ATP10A: variants seen among roughly 807,000 people sequenced by gnomAD.
The protein encoded by ATP10A is phospholipid-transporting ATPase VA.
Under a neutral mutation model 147.8 loss-of-function variants are expected in ATP10A, and 111 were observed. The ratio of observed to expected loss-of-function variants is 0.75; its 90% CI spans 0.64 to 0.88. ATP10A has a LOEUF of 0.88. ATP10A is among the 40% of genes least tolerant of loss of function. The probability of loss-of-function intolerance (pLI) is 0.00; values close to 1 mark genes in which losing one functional copy is unlikely to be tolerated. For missense variants in ATP10A, 1,927 were observed against 1,959.0 expected (o/e 0.98, Z 0.31); for synonymous variants, 875 against 841.6 (o/e 1.04, Z -0.69).
chr15:25,757,376 C>T (rs1596825224), intron 2 of ATP10A, among the ~76,000 whole-genome samples: 1 of 151,934 alleles, frequency 6.6e-6, no homozygotes, highest in East Asian at 1.9e-4. Flanking sequence ...ATTAATATAG[C>T]TAATTAGAAC....
chr15:25,695,276 C>A, intron 13 of ATP10A, 130 bp from the exon 14 acceptor site: 1 of 810,828 alleles, frequency 1.2e-6, no homozygotes, highest in Non-Finnish European at 1.9e-6. Flanking sequence ...GCCCAGAGGC[C>A]ACCCTCCAGA....
chr15:25,794,109 T>C (rs550699746), intron 1 of ATP10A, among the ~76,000 whole-genome samples: 1 of 152,334 alleles, frequency 6.6e-6, no homozygotes, highest in South Asian at 2.1e-4. Context: ...ATAAGGTCCC[T>C]CTCTCTCATT....
chr15:25,711,343 G>A (rs1456390895), intron 10 of ATP10A, among the ~76,000 whole-genome samples: 1 of 152,068 alleles, frequency 6.6e-6, no homozygotes, highest in Non-Finnish European at 1.5e-5. Context: ...CACAGGCAGA[G>A]CGATTCCCAG....
Position 25,789,545 on chromosome 15 carries a change from A to C in ATP10A, c.450-8322T>G, listed in dbSNP as rs953647281. Among the ~76,000 whole-genome samples, 3 of 143,728 alleles carry C rather than the reference A, an allele frequency of 2.1e-5. No individual in the cohort carries two copies. The Admixed American group carries it at 2.1e-4, about 10-fold the overall frequency. The allele number at this position is 143,728 out of a possible 152,430, so 94.3% of individuals were successfully genotyped here. ...AAACCCTTCTTGGAATTTATTTTTC[A>C]TATGGTGGACCAATAAAGAAGTGTG... On this transcript the variant is annotated intron_variant, in intron 1 of 20. Coordinates refer to ENST00000555815, the MANE Select transcript of ATP10A (RefSeq NM_024490.4).
At chr15:25,708,691 T>C (rs1901205635) in intron 10 of ATP10A, 1 of 174,946 alleles carries the variant, frequency 5.7e-6, no homozygotes, top group African/African-American at 2.4e-5. Flanking sequence ...CAAAAGTCAT[T>C]TGGCATCCTT....
chr15:25,745,638 G>A (rs567953296), intron 2 of ATP10A, among the ~76,000 whole-genome samples: 1 of 152,038 alleles, frequency 6.6e-6, no homozygotes, highest in South Asian at 2.1e-4. Flanking sequence ...CAACAAAAAC[G>A]GTAAATAAGA....
At chr15:25,791,100 T>C (rs28627261) in intron 1 of ATP10A, among the ~76,000 whole-genome samples, 22,994 of 149,176 alleles carry the variant, frequency 0.15, 1,870 homozygotes, top group African/African-American at 0.29. Context: ...TTTTTTTTTT[T>C]TCAAGACCCT....
At chr15:25,747,176 T>C (rs958292748) in intron 2 of ATP10A, among the ~76,000 whole-genome samples, 8 of 150,734 alleles carry the variant, frequency 5.3e-5, no homozygotes, top group Admixed American at 3.3e-4. Context: ...TAATCCCAGC[T>C]ACTCAAGGAG....
chr15:25,705,240 A>G (rs1175219465), intron 12 of ATP10A, among the ~76,000 whole-genome samples: 1 of 152,042 alleles, frequency 6.6e-6, no homozygotes, highest in Non-Finnish European at 1.5e-5. Flanking sequence ...CAGGAGTTTG[A>G]GACAAGCCTG....
At chr15:25,737,017 T>C (rs1887326264) in intron 2 of ATP10A, among the ~76,000 whole-genome samples, 1 of 152,232 alleles carries the variant, frequency 6.6e-6, no homozygotes, top group African/African-American at 2.4e-5. Flanking sequence ...TTTCCCTGCA[T>C]AGAATACAGC....
intron 3 of ATP10A, among the ~76,000 whole-genome samples, chr15:25,734,245 C>T (rs1052761211): frequency 3.3e-5 from 5 of 152,336 alleles, no homozygotes; most frequent in South Asian, 2.1e-4. Flanking sequence ...TGCAGGCCTT[C>T]GTATCTGTCC....
At position 25,860,223 on chromosome 15, in the gene ATP10A, C is replaced by T. The variant is rs568538192; in HGVS notation, c.449+2425G>A. Reference sequence around the variant, plus strand: ...CATGACCCTGTCCACCCCCCGCCCCCGATCTCTCACTGCAGCACCCACTCT... The same window carrying T: ...CATGACCCTGTCCACCCCCCGCCCCTGATCTCTCACTGCAGCACCCACTCT... On this transcript the variant is annotated intron_variant, in intron 1 of 20. Coordinates refer to ENST00000555815, the MANE Select transcript of ATP10A (RefSeq NM_024490.4). Among the ~76,000 whole-genome samples, 19 of 152,226 alleles carry T rather than the reference C, an allele frequency of 1.2e-4. No homozygotes were observed. The South Asian group carries it at 2.7e-3, about 22-fold the overall frequency.
rs1893764965 is a variant in ATP10A, at chr15:25,861,659, T to G, written c.449+989A>C. 2.0e-5 allele frequency: 3 copies of G among 152,428 alleles called. No homozygotes were observed. The South Asian group carries it at 6.2e-4, about 32-fold the overall frequency. The allele number at this position is 152,428 out of a possible 1,614,324, so 9.4% of individuals were successfully genotyped here. ...CTTCCTAGAGTCTCCCCATGCATAA[T>G]GGAAGCCAGATACCGCTAATGTTCT... On this transcript the variant is annotated intron_variant, in intron 1 of 20. Coordinates refer to ENST00000555815, the MANE Select transcript of ATP10A (RefSeq NM_024490.4).
rs1296683977 is a variant in ATP10A, at chr15:25,691,585, C to T, written c.3165+130G>A. The T allele has an allele frequency of 9.5e-6, 8 of 842,396 alleles. No individual in the cohort carries two copies. In the South Asian group the frequency reaches 1.1e-4, roughly 11 times the overall value. The allele number at this position is 842,396 out of a possible 1,614,324, so 52.2% of individuals were successfully genotyped here. The stretch of plus-strand genomic sequence containing the variant: ...GCTTAGCAGCTGTATTGAGCATCAG[C>T]TATATTAAGGGCAAACCCTTTAGCC... On this transcript the variant is annotated intron_variant, in intron 15 of 20. Transcript: ENST00000555815.
At chr15:25,806,476 C>T (rs930664166) in intron 1 of ATP10A, among the ~76,000 whole-genome samples, 1 of 152,020 alleles carries the variant, frequency 6.6e-6, no homozygotes, top group Non-Finnish European at 1.5e-5. Context: ...CCACGCCCAG[C>T]TAATTTTTTG....
At chr15:25,711,482 C>A (rs749084395) in intron 10 of ATP10A, among the ~76,000 whole-genome samples, 1 of 152,060 alleles carries the variant, frequency 6.6e-6, no homozygotes, top group Non-Finnish European at 1.5e-5. Flanking sequence ...GACTCCAGGG[C>A]CCTCCTGTAG....
At chr15:25,820,633 C>T (rs1891840305) in intron 1 of ATP10A, among the ~76,000 whole-genome samples, 1 of 152,014 alleles carries the variant, frequency 6.6e-6, no homozygotes, top group Non-Finnish European at 1.5e-5. Flanking sequence ...AAGATAATAG[C>T]AGTGGTCTGG....
intron 1 of ATP10A, among the ~76,000 whole-genome samples, chr15:25,796,209 G>A (rs964892978): frequency 3.3e-5 from 5 of 152,114 alleles, no homozygotes; most frequent in African/African-American, 9.7e-5. Flanking sequence ...GGCCACGGTG[G>A]GAGGAGTTCG....
At chr15:25,788,435 G>A (rs894565759) in intron 1 of ATP10A, among the ~76,000 whole-genome samples, 8 of 152,160 alleles carry the variant, frequency 5.3e-5, no homozygotes, top group African/African-American at 1.7e-4. Context: ...CCATTTCCCC[G>A]TAGCCCTCTG....
Sources: gnomAD v4.1 joint callset for allele counts (sites outside exome capture counted in the v4.1 genomes callset) on GRCh38, gnomAD v4.1.1 for gene constraint, MANE v1.5 for transcripts, NCBI Gene and HGNC (gene_info 2026-07-23, HGNC 2026-07-21) for gene names.